The following MAP7 variants were observed in gnomAD, a reference collection of about 807,000 sequenced individuals.
The protein encoded by MAP7 is microtubule associated protein 7.
In MAP7, 52 loss-of-function variants were observed where a neutral mutation model predicts 94.8. The ratio of observed to expected loss-of-function variants is 0.55; its 90% confidence interval spans 0.44 to 0.69. The LOEUF (loss-of-function observed/expected upper bound fraction) is 0.69, where lower values mean the gene tolerates loss of function less well. Ranked by LOEUF, MAP7 falls within the 30% of genes least tolerant of loss-of-function variation. The pLI, the probability that MAP7 is intolerant of heterozygous loss-of-function variation, is 0.00. For missense variants in MAP7, 940 were observed against 964.6 expected, an observed-to-expected ratio of 0.97 and a Z score of 0.34; for synonymous variants, 350 against 357.0, an observed-to-expected ratio of 0.98 and a Z score of 0.22.
intron 1 of MAP7, among the ~76,000 whole-genome samples, chr6:136,450,651 G>C (rs1047483689): frequency 6.6e-6 from 1 of 152,024 alleles, no homozygotes; most frequent in Non-Finnish European, 1.5e-5. Context: ...AGGCATGGTG[G>C]CTCACGCCTG....
At chr6:136,479,024 GAAGA>G (rs934729650) in intron 1 of MAP7, among the ~76,000 whole-genome samples, 19 of 132,578 alleles carry the variant, frequency 1.4e-4, no homozygotes, top group Non-Finnish European at 2.3e-4. Context: ...AGAAGGAAAT[GAAGA>G]AAGAAAGAAA....
intron 2 of MAP7, among the ~76,000 whole-genome samples, chr6:136,418,284 G>A (rs545852033): frequency 3.0e-4 from 46 of 152,238 alleles, no homozygotes; most frequent in African/African-American, 1.1e-3. Flanking sequence ...GGCGGATCTC[G>A]GCTCACTGCA....
At chr6:136,391,825 C>T (rs1780873854) in intron 3 of MAP7, among the ~76,000 whole-genome samples, 1 of 152,186 alleles carries the variant, frequency 6.6e-6, no homozygotes, top group Non-Finnish European at 1.5e-5. Context: ...CACGCACACT[C>T]GTGCACATAA....
At chr6:136,371,366 A>G (rs1276490181) in intron 8 of MAP7, among the ~76,000 whole-genome samples, 1 of 152,180 alleles carries the variant, frequency 6.6e-6, no homozygotes, top group African/African-American at 2.4e-5. Context: ...GCTAAGGAGG[A>G]TCTCTGAAAC....
chr6:136,387,301 C>G (rs192290643), intron 5 of MAP7, among the ~76,000 whole-genome samples: 1 of 151,734 alleles, frequency 6.6e-6, no homozygotes, highest in East Asian at 1.9e-4. Flanking sequence ...ATTTTTTTAG[C>G]TAAAAAACAT....
intron 1 of MAP7, among the ~76,000 whole-genome samples, chr6:136,491,117 A>ATC (rs1816455891): frequency 6.6e-6 from 1 of 152,364 alleles, no homozygotes; most frequent in South Asian, 2.1e-4. Flanking sequence ...TGTTAACTAT[A>ATC]TAAATTCTCA....
chr6:136,467,200 A>T (rs1807428963), intron 1 of MAP7, among the ~76,000 whole-genome samples: 1 of 152,204 alleles, frequency 6.6e-6, no homozygotes, highest in Non-Finnish European at 1.5e-5. Context: ...CTGTTTACCA[A>T]AATCATCTAA....
chr6:136,495,591 G>T (rs1462160528), intron 1 of MAP7, among the ~76,000 whole-genome samples: 1 of 152,108 alleles, frequency 6.6e-6, no homozygotes. Flanking sequence ...AGATTTTGGA[G>T]CATTTTGGAT....
At chr6:136,470,907 T>C (rs192753336) in intron 1 of MAP7, among the ~76,000 whole-genome samples, 23 of 152,302 alleles carry the variant, frequency 1.5e-4, no homozygotes, top group Non-Finnish European at 2.9e-5. Context: ...GTTTTTTCCT[T>C]GCAGAGTTTC....
chr6:136,540,900 T>A (rs1272400594), intron 1 of MAP7, among the ~76,000 whole-genome samples: 2 of 152,160 alleles, frequency 1.3e-5, no homozygotes, highest in East Asian at 3.9e-4. Context: ...ACTGCCAAGA[T>A]TGAGAGCCAA....
intron 1 of MAP7, among the ~76,000 whole-genome samples, chr6:136,528,053 G>A (rs1411948027): frequency 2.0e-5 from 3 of 152,192 alleles, no homozygotes; most frequent in Non-Finnish European, 4.4e-5. Context: ...AGTCAGCATC[G>A]TTTTACATGC....
intron 1 of MAP7, among the ~76,000 whole-genome samples, chr6:136,452,773 G>A (rs985077706): frequency 6.6e-6 from 1 of 152,058 alleles, no homozygotes. Context: ...GGCTGGTCTC[G>A]AACTGCTGAC....
chr6:136,535,564 T>C, intron 1 of MAP7, among the ~76,000 whole-genome samples: 1 of 152,072 alleles, frequency 6.6e-6, no homozygotes, highest in East Asian at 1.9e-4. Context: ...ATAATTGTGG[T>C]GGGTAAGTTT....
intron 1 of MAP7, among the ~76,000 whole-genome samples, chr6:136,458,466 A>C (rs915316408): frequency 1.2e-4 from 19 of 152,078 alleles, no homozygotes; most frequent in African/African-American, 4.6e-4. Flanking sequence ...CTGAATAGTC[A>C]AATGATCAGG....
At chr6:136,521,062 C>T (rs2129047361) in intron 1 of MAP7, among the ~76,000 whole-genome samples, 1 of 152,318 alleles carries the variant, frequency 6.6e-6, no homozygotes, top group East Asian at 1.9e-4. Context: ...GCACGCATGA[C>T]CCATCTATAG....
At chr6:136,533,391 G>A (rs1344952277) in intron 1 of MAP7, among the ~76,000 whole-genome samples, 1 of 152,176 alleles carries the variant, frequency 6.6e-6, no homozygotes, top group Non-Finnish European at 1.5e-5. Context: ...TCTAAATGAA[G>A]AGCGATACTA....
chr6:136,357,627 T>C (rs1027452430), intron 15 of MAP7, among the ~76,000 whole-genome samples: 17 of 152,066 alleles, frequency 1.1e-4, no homozygotes, highest in Admixed American at 3.9e-4. Context: ...CTCAAGTAGC[T>C]GGAACCACAA....
chr6:136,469,936 C>T (rs1583006428), intron 1 of MAP7, among the ~76,000 whole-genome samples: 1 of 152,166 alleles, frequency 6.6e-6, no homozygotes, highest in South Asian at 2.1e-4. Flanking sequence ...TGAGGGTCCA[C>T]GTCCTCCCCT....
chr6:136,472,468 C>G (rs1324442769), intron 1 of MAP7, among the ~76,000 whole-genome samples: 1 of 152,124 alleles, frequency 6.6e-6, no homozygotes, highest in Non-Finnish European at 1.5e-5. Context: ...ACACATTATC[C>G]ATATGTGTAA....
Sources: allele counts gnomAD v4.1 joint callset (sites outside exome capture counted in the v4.1 genomes callset), GRCh38; gene constraint gnomAD v4.1.1; transcripts MANE v1.5; gene names NCBI Gene and HGNC (gene_info 2026-07-23, HGNC 2026-07-21).